DYSF: variants seen among roughly 807,000 people sequenced by gnomAD.
DYSF encodes dysferlin.
In DYSF, 212 loss-of-function variants were observed where a neutral mutation model predicts 274.9. The observed-to-expected ratio is 0.77, with a 90% CI of 0.69 to 0.86. The LOEUF (loss-of-function observed/expected upper bound fraction) is 0.86. Among genes scored for constraint, DYSF ranks in the 40% least tolerant of loss-of-function variants. The pLI is 0.00. For missense variants in DYSF, 2,666 were observed against 2,783.2 expected (o/e 0.96, Z 0.95); for synonymous variants, 1,091 against 1,078.7 (o/e 1.01, Z -0.22).
intron 47 of DYSF, among the ~76,000 whole-genome samples, chr2:71,666,728 C>T (rs1193358907): frequency 6.6e-6 from 1 of 152,228 alleles, no homozygotes; most frequent in East Asian, 1.9e-4. Context: ...CCTAGTCACG[C>T]ACCTTTCCTA....
At chr2:71,591,176 G>A (rs749946177) in intron 32 of DYSF, among the ~76,000 whole-genome samples, 1 of 152,208 alleles carries the variant, frequency 6.6e-6, no homozygotes, top group Non-Finnish European at 1.5e-5. Context: ...CACTCAGTGC[G>A]CTCTCTGTCT....
At chr2:71,610,353 T>A (rs2093728418) in intron 36 of DYSF, among the ~76,000 whole-genome samples, 1 of 152,246 alleles carries the variant, frequency 6.6e-6, no homozygotes, top group Non-Finnish European at 1.5e-5. Context: ...GCTAACCATT[T>A]TATAGATGAA....
At chr2:71,616,107 C>G (rs147477587) in intron 40 of DYSF, among the ~76,000 whole-genome samples, 1 of 152,194 alleles carries the variant, frequency 6.6e-6, no homozygotes, top group Non-Finnish European at 1.5e-5. Context: ...AACATGTCAC[C>G]GGAGACCCTT....
chr2:71,673,380 G>C (rs2095164618), intron 51 of DYSF, among the ~76,000 whole-genome samples: 1 of 152,168 alleles, frequency 6.6e-6, no homozygotes, highest in African/African-American at 2.4e-5. Context: ...AGGCGAGCTG[G>C]TCTGAGGGAG....
At chr2:71,622,890 C>G (rs1056378209) in intron 41 of DYSF, among the ~76,000 whole-genome samples, 1 of 152,228 alleles carries the variant, frequency 6.6e-6, no homozygotes, top group Non-Finnish European at 1.5e-5. Context: ...GTTGGGATTA[C>G]AGGTGTGAGC....
chr2:71,534,989 T>A (rs778619561), intron 14 of DYSF, 32 bp from the exon 15 acceptor site: 1 of 1,613,048 alleles, frequency 6.2e-7, no homozygotes, highest in Admixed American at 1.7e-5. Flanking sequence ...CCATGGAGCT[T>A]GATCAACTTG....
At chr2:71,620,448 A>T in intron 40 of DYSF, 99 bp from the exon 41 acceptor site, 1 of 1,233,778 alleles carries the variant, frequency 8.1e-7, no homozygotes. Context: ...GGAAGAGCAG[A>T]GGGTGCCTGG....
chr2:71,551,491 C>T, intron 18 of DYSF, 116 bp from the exon 19 acceptor site: 1 of 872,210 alleles, frequency 1.1e-6, no homozygotes, highest in East Asian at 2.6e-5. Flanking sequence ...ATGAGGTTGG[C>T]TGAGGGACCT....
chr2:71,467,048 C>G, intron 1 of DYSF, 115 bp downstream of exon 1: 7 of 1,414,862 alleles, frequency 4.9e-6, no homozygotes, highest in Non-Finnish European at 5.7e-6. Flanking sequence ...CACAGTTTCT[C>G]CCTTTGTCAG....
At chr2:71,580,092 C>T (rs1477476935) in intron 30 of DYSF, among the ~76,000 whole-genome samples, 1 of 152,264 alleles carries the variant, frequency 6.6e-6, no homozygotes, top group Admixed American at 6.5e-5. Flanking sequence ...TCATGTCTCT[C>T]CTGCTCCATG....
At chr2:71,564,624 C>T (rs1203220703) in intron 24 of DYSF, among the ~76,000 whole-genome samples, 1 of 152,202 alleles carries the variant, frequency 6.6e-6, no homozygotes, top group Non-Finnish European at 1.5e-5. Flanking sequence ...TGGACTGGAG[C>T]TGGAGCCACT....
chr2:71,618,659 GA>G (rs1445245107), intron 40 of DYSF, among the ~76,000 whole-genome samples: 4 of 123,066 alleles, frequency 3.3e-5, no homozygotes, highest in Admixed American at 8.5e-5. Context: ...TGTGGCAGAG[GA>G]GGTGTGTGTG....
chr2:71,472,828 T>C (rs904000164), intron 1 of DYSF, among the ~76,000 whole-genome samples: 1 of 152,274 alleles, frequency 6.6e-6, no homozygotes, highest in Admixed American at 6.5e-5. Context: ...TTTTCTTCAT[T>C]AGTTGCAAGT....
chr2:71,494,081 T>C (rs1381049672), intron 3 of DYSF, among the ~76,000 whole-genome samples: 1 of 152,210 alleles, frequency 6.6e-6, no homozygotes, highest in Admixed American at 6.5e-5. Flanking sequence ...ACTGTGTTTT[T>C]GCAGTCTTTT....
intron 53 of DYSF, among the ~76,000 whole-genome samples, chr2:71,680,086 G>A (rs1558815176): frequency 2.6e-5 from 4 of 152,250 alleles, no homozygotes; most frequent in South Asian, 2.1e-4. Context: ...GGCACAGTAA[G>A]AGATTAACAA....
At chr2:71,487,371 A>C (rs2083447318) in intron 3 of DYSF, among the ~76,000 whole-genome samples, 2 of 151,934 alleles carry the variant, frequency 1.3e-5, no homozygotes, top group African/African-American at 4.8e-5. Context: ...TAAGTGTCTG[A>C]GCTCCGCACT....
intron 51 of DYSF, among the ~76,000 whole-genome samples, chr2:71,672,359 G>C (rs1309468575): frequency 1.3e-5 from 2 of 152,180 alleles, no homozygotes; most frequent in African/African-American, 4.8e-5. Context: ...CAGCCTCTGG[G>C]CTCCCTGGGC....
intron 10 of DYSF, among the ~76,000 whole-genome samples, chr2:71,519,706 A>G (rs767419012): frequency 1.3e-5 from 2 of 151,504 alleles, no homozygotes; most frequent in Non-Finnish European, 2.9e-5. Context: ...TTGCAATGGC[A>G]TGATCTCGGC....
rs1192322065 is a variant in DYSF at position 71,511,943 on chromosome 2, G to C, written c.460+22G>C. 13 of 1,463,782 alleles carry C rather than the reference G, an allele frequency of 8.9e-6. No individual in the cohort carries two copies. The Admixed American group carries it at 2.4e-4, about 27-fold the overall frequency. The allele number at this position is 1,463,782 out of a possible 1,614,324, so 90.7% of individuals were successfully genotyped here. A position where few individuals can be genotyped will look rare whatever the true frequency, so the allele number is the denominator to read the frequency against. On this transcript the variant is annotated intron_variant, in intron 5 of 55. Coordinates refer to ENST00000410020, the MANE Select transcript of DYSF (RefSeq NM_001130987.2). Reference sequence around the variant, plus strand: ...GCAGGTGGGTAGCCCACGTTGGCCTGGCTGGGCCCCAGCAAGAAGGCCGGC... The same window carrying C: ...GCAGGTGGGTAGCCCACGTTGGCCTCGCTGGGCCCCAGCAAGAAGGCCGGC...
Sources: gnomAD v4.1 joint callset for allele counts (sites outside exome capture counted in the v4.1 genomes callset) on GRCh38, gnomAD v4.1.1 for gene constraint, MANE v1.5 for transcripts, NCBI Gene and HGNC (gene_info 2026-07-23, HGNC 2026-07-21) for gene names.